PDPK1: variants seen among roughly 807,000 people sequenced by gnomAD.
PDPK1 encodes the protein 3-phosphoinositide dependent protein kinase 1.
Under a neutral mutation model 39.8 loss-of-function variants are expected in PDPK1, and 7 were observed. The ratio of observed to expected loss-of-function variants is 0.18; its 90% CI spans 0.10 to 0.33. PDPK1 has a LOEUF of 0.33. Among genes scored for constraint, PDPK1 ranks in the 10% least tolerant of loss-of-function variants. PDPK1 has a pLI of 1.00. For missense variants in PDPK1, 182 were observed against 384.7 expected, an observed-to-expected ratio of 0.47 and a Z score of 4.41; for synonymous variants, 118 against 159.1, an observed-to-expected ratio of 0.74 and a Z score of 1.95.
intron 7 of PDPK1, among the ~76,000 whole-genome samples, chr16:2,580,576 AAAGT>A (rs1291367655): frequency 2.5e-5 from 2 of 78,552 alleles, no homozygotes; most frequent in Admixed American, 1.3e-4. Context: ...CGTAAATTCT[AAAGT>A]AAGTGTTTAT....
At chr16:2,578,132 G>C (rs918686151) in intron 7 of PDPK1, among the ~76,000 whole-genome samples, 1 of 148,822 alleles carries the variant, frequency 6.7e-6, no homozygotes, top group African/African-American at 2.5e-5. Flanking sequence ...CGTCGGGGTG[G>C]AGGGCAGGCA....
rs1212131474 is a variant in PDPK1 at position 2,597,437 on chromosome 16, G to C, written c.1554+162G>C. ...GCCCACACTAGTGGCTCAGTCCTGA[G>C]GGGGCAGGGGACACCCTGTGCTTGT... On this transcript the variant is annotated intron_variant, in intron 13 of 13. Transcript: ENST00000342085. The surrounding 1 kb of genome is among the most constrained non-coding windows in gnomAD (Gnocchi z 6.3). 2.6e-5 allele frequency among the ~76,000 whole-genome samples: 4 copies of C among 152,220 alleles called. No homozygotes were observed. Among genetic ancestry groups the C allele is most frequent in the Admixed American group, 2.0e-4 (3 of 15,278 alleles).
At chr16:2,551,824 A>G (rs2066417619) in intron 1 of PDPK1, among the ~76,000 whole-genome samples, 1 of 150,680 alleles carries the variant, frequency 6.6e-6, no homozygotes, top group Non-Finnish European at 1.5e-5. Flanking sequence ...ACACCACCAC[A>G]CCCAGCTAAT....
chr16:2,592,507 C>T, intron 11 of PDPK1: 1 of 330,304 alleles, frequency 3.0e-6, no homozygotes, highest in Non-Finnish European at 5.9e-6. Flanking sequence ...AACCCTGTCT[C>T]TACTAAAATT....
At position 2,595,853 on chromosome 16, in the gene PDPK1, G is replaced by A. The variant is rs569124094; in HGVS notation, c.1401+3G>A. 6.2e-7 allele frequency: 1 copy of A among 1,611,928 alleles called. No homozygotes were observed. The highest frequency in any genetic ancestry group is 2.2e-5 in the East Asian group (1 of 44,882). Reference sequence around the variant, plus strand: ...TGGGCCCAGTGGATAAGCGGAAGGTGAGTGGTCAGTGGTCCCGCTGCTCCG... The same window carrying A: ...TGGGCCCAGTGGATAAGCGGAAGGTAAGTGGTCAGTGGTCCCGCTGCTCCG... On this transcript the variant is annotated splice_donor_region_variant and intron_variant, in intron 12 of 13. Coordinates refer to ENST00000342085, the MANE Select transcript of PDPK1 (RefSeq NM_002613.5).
rs896934505 is a variant in PDPK1 at position 2,601,023 on chromosome 16, C to T, written c.*3256C>T. The T allele has an allele frequency of 4.3e-6, 1 of 231,694 alleles. No homozygotes were observed. Among genetic ancestry groups the T allele is most frequent in the Non-Finnish European group, 8.5e-6 (1 of 117,866 alleles). 14.4% of individuals were successfully genotyped at this position (231,694 alleles called of 1,614,324 possible). A position where few individuals can be genotyped will look rare whatever the true frequency, so the allele number is the denominator to read the frequency against. ...TACTATAATTTATCTGACCATTTCC[C>T]TACTGTAAAATACTTAAGACGGTTT... On this transcript the variant is annotated 3_prime_UTR_variant, in exon 14 of 14. Coordinates refer to ENST00000342085, the MANE Select transcript of PDPK1 (RefSeq NM_002613.5).
rs577192003 is a variant in PDPK1, at chr16:2,597,373, G to T, written c.1554+98G>T. ...GGCCTTGGCCAGAGGGAGCAGCGGG[G>T]ATCGGGGCAGCTGCCTCGCCCTTTC... On this transcript the variant is annotated intron_variant, in intron 13 of 13. Coordinates refer to ENST00000342085, the MANE Select transcript of PDPK1 (RefSeq NM_002613.5). This position sits in a 1 kb window ranked among gnomAD's most constrained non-coding sequence, Gnocchi z 6.3. The T allele has an allele frequency of 1.2e-4, 130 of 1,119,840 alleles. No individual in the cohort carries two copies. The South Asian group carries it at 1.8e-3, about 15-fold the overall frequency. The allele number at this position is 1,119,840 out of a possible 1,614,324, so 69.4% of individuals were successfully genotyped here. A position where few individuals can be genotyped will look rare whatever the true frequency, so the allele number is the denominator to read the frequency against.
intron 4 of PDPK1, chr16:2,562,765 C>G: frequency 2.0e-5 from 3 of 150,676 alleles, no homozygotes; most frequent in Non-Finnish European, 4.4e-5. Flanking sequence ...GCTCTTTCAG[C>G]TCCTGGGCAG....
chr16:2,546,501 T>C (rs977810891), intron 1 of PDPK1, among the ~76,000 whole-genome samples: 8 of 152,102 alleles, frequency 5.3e-5, no homozygotes, highest in Non-Finnish European at 1.2e-4. Context: ...GCTGGGCTAA[T>C]TTGTGTATTT....
chr16:2,543,698 T>C (rs974357207), intron 1 of PDPK1, among the ~76,000 whole-genome samples: 1 of 152,176 alleles, frequency 6.6e-6, no homozygotes, highest in Non-Finnish European at 1.5e-5. Flanking sequence ...CAGTCTTTTC[T>C]GACCAGTCTG....
At chr16:2,591,385 G>A (rs1056752768) in intron 11 of PDPK1, among the ~76,000 whole-genome samples, 1 of 152,174 alleles carries the variant, frequency 6.6e-6, no homozygotes, top group Non-Finnish European at 1.5e-5. Flanking sequence ...AGAGCCCCTA[G>A]TGCAGGGTAG....
At chr16:2,592,161 T>C (rs1443263024) in intron 11 of PDPK1, among the ~76,000 whole-genome samples, 1 of 152,132 alleles carries the variant, frequency 6.6e-6, no homozygotes, top group African/African-American at 2.4e-5. Context: ...AATGCTCTTT[T>C]TGGGGTCTGG....
At chr16:2,538,737 G>A (rs1669927613) in intron 1 of PDPK1, 1 of 1,287,192 alleles carries the variant, frequency 7.8e-7, no homozygotes, top group East Asian at 5.6e-5. Context: ...GAGGCCGAAT[G>A]TGCAGGATCA....
At chr16:2,595,325 G>A (rs570921145) in intron 11 of PDPK1, among the ~76,000 whole-genome samples, 138 of 152,258 alleles carry the variant, frequency 9.1e-4, no homozygotes, top group African/African-American at 3.1e-3. Flanking sequence ...GATTATAAAC[G>A]GCTCTGTGGA....
At chr16:2,588,122 C>T (rs968436437) in intron 11 of PDPK1, among the ~76,000 whole-genome samples, 2 of 152,168 alleles carry the variant, frequency 1.3e-5, no homozygotes, top group South Asian at 2.1e-4. Flanking sequence ...GAGCTCTGGG[C>T]CGCCCCGGCA....
At chr16:2,538,801 A>G in intron 1 of PDPK1, 1 of 1,261,896 alleles carries the variant, frequency 7.9e-7, no homozygotes, top group Non-Finnish European at 1.0e-6. Context: ...AAGGACCAAA[A>G]CAAACCACTT....
intron 1 of PDPK1, among the ~76,000 whole-genome samples, chr16:2,552,467 T>A (rs1241441385): frequency 6.6e-6 from 1 of 151,682 alleles, no homozygotes; most frequent in South Asian, 2.1e-4. Context: ...AGAGGTGTGG[T>A]TGGGGGCTCG....
intron 1 of PDPK1, among the ~76,000 whole-genome samples, chr16:2,546,653 T>G (rs1289156793): frequency 6.6e-6 from 1 of 152,194 alleles, no homozygotes; most frequent in Non-Finnish European, 1.5e-5. Context: ...CTTCTAACCT[T>G]AAGCTGCTTT....
Position 2,538,499 on chromosome 16 carries a change from T to C in PDPK1, c.24+363T>C, listed in dbSNP as rs183571064. The C allele has an allele frequency of 7.5e-3, 4,198 of 559,788 alleles. 34 individuals are homozygous for C. Among genetic ancestry groups the C allele is most frequent in the African/African-American group, 0.072 (3,861 of 53,276 alleles). The allele number at this position is 559,788 out of a possible 1,614,324, so 34.7% of individuals were successfully genotyped here. Reference sequence around the variant, plus strand: ...CAGGGTTACCTTTCGGTTCTGTCTGTAGAGGAACCGCCCTGGGCTTCCACC... The same window carrying C: ...CAGGGTTACCTTTCGGTTCTGTCTGCAGAGGAACCGCCCTGGGCTTCCACC... On this transcript the variant is annotated intron_variant, in intron 1 of 13. Transcript: ENST00000342085.
Sources: allele counts gnomAD v4.1 joint callset (sites outside exome capture counted in the v4.1 genomes callset), GRCh38; gene constraint gnomAD v4.1.1; non-coding constraint Gnocchi (gnomAD v3.1); transcripts MANE v1.5; gene names NCBI Gene and HGNC (gene_info 2026-07-23, HGNC 2026-07-21).